The following RAB31 variants were observed in gnomAD, a reference collection of about 807,000 sequenced individuals.
The protein encoded by RAB31 is RAB31, member RAS oncogene family.
In RAB31, 21 loss-of-function variants were observed where a neutral mutation model predicts 25.6. The observed-to-expected ratio is 0.82, with a 90% CI of 0.58 to 1.18. The LOEUF is 1.18. RAB31 is among the 50% of genes most tolerant of loss of function. The pLI, the probability that RAB31 is intolerant of heterozygous loss-of-function variation, is 0.00. For missense variants in RAB31, 196 were observed against 250.1 expected, an observed-to-expected ratio of 0.78 and a Z score of 1.46; for synonymous variants, 87 against 84.0, an observed-to-expected ratio of 1.04 and a Z score of -0.20.
intron 5 of RAB31, among the ~76,000 whole-genome samples, chr18:9,840,977 G>C (rs2068730545): frequency 6.6e-6 from 1 of 152,098 alleles, no homozygotes; most frequent in Non-Finnish European, 1.5e-5. Flanking sequence ...ACCCAAGCGA[G>C]AGTGCAGTGG....
chr18:9,832,359 A>G (rs2068682954), intron 5 of RAB31, among the ~76,000 whole-genome samples: 1 of 152,186 alleles, frequency 6.6e-6, no homozygotes, highest in South Asian at 2.1e-4. Flanking sequence ...GTGTGACAAA[A>G]CAACCTCCTG....
chr18:9,822,670 G>C (rs1202373022), intron 5 of RAB31, among the ~76,000 whole-genome samples: 1 of 152,124 alleles, frequency 6.6e-6, no homozygotes, highest in African/African-American at 2.4e-5. Flanking sequence ...TCACCTGAGA[G>C]AATAGGAAGA....
At position 9,801,284 on chromosome 18, in the gene RAB31, AT is replaced by A. The variant is rs3039670; in HGVS notation, c.201+9065del. ...CATTCATGTACAATTCTTTGTGTAG[AT>A]TTTTTTTTTTTTTTTGAGATGGAGT... is the stretch of plus-strand genomic sequence containing the variant. On this transcript the variant is annotated intron_variant, in intron 3 of 6. Coordinates refer to ENST00000578921, the MANE Select transcript of RAB31 (RefSeq NM_006868.4). 1.0e-2 allele frequency among the ~76,000 whole-genome samples: 1,406 copies of A among 140,988 alleles called. 10 individuals are homozygous for A. Among genetic ancestry groups the A allele is most frequent in the African/African-American group, 0.022 (851 of 38,292 alleles). The allele number at this position is 140,988 out of a possible 152,430, so 92.5% of individuals were successfully genotyped here.
intron 4 of RAB31, 82 bp downstream of exon 4, chr18:9,814,173 TTGCATCTTG>T: frequency 8.6e-6 from 9 of 1,041,330 alleles, no homozygotes; most frequent in Non-Finnish European, 1.3e-5. Flanking sequence ...ACGTCACTGC[TTGCATCTTG>T]CCAGTAGCGT....
At chr18:9,715,512 T>TTG (rs796807284) in intron 1 of RAB31, among the ~76,000 whole-genome samples, 4 of 150,546 alleles carry the variant, frequency 2.7e-5, no homozygotes, top group African/African-American at 9.7e-5. Flanking sequence ...CACTTGTCCT[T>TTG]TGTCTCTCTC....
At chr18:9,740,116 G>A (rs541100007) in intron 1 of RAB31, among the ~76,000 whole-genome samples, 11 of 152,322 alleles carry the variant, frequency 7.2e-5, no homozygotes, top group South Asian at 2.1e-4. Context: ...TGCTGTTTGT[G>A]TGGCCTTCAG....
chr18:9,792,179 C>T lies in RAB31; in HGVS notation c.145C>T (p.Pro49Ser), dbSNP rs1318806215. The T allele has an allele frequency of 6.2e-7, 1 of 1,611,864 alleles. No individual in the cohort carries two copies. The highest frequency in any genetic ancestry group is 8.5e-7 in the Non-Finnish European group (1 of 1,178,998). The change falls in exon 3 of 7, where the codon CCT (proline) becomes TCT (serine). Residue 49 changes from proline to serine, a missense_variant. Pro to Ser is a moderately conservative substitution (Grantham distance 74, BLOSUM62 -1). Coordinates refer to ENST00000578921, the MANE Select transcript of RAB31 (RefSeq NM_006868.4). Reference sequence around the variant, plus strand: ...GGCATCTTTTATGACCAAAACTGTGCCTTGTGGAAATGAACTTCACAAGTT... The same window carrying T: ...GGCATCTTTTATGACCAAAACTGTGTCTTGTGGAAATGAACTTCACAAGTT... ...IGASFMTKTV[P>S]CGNELHKFLI...
At chr18:9,726,199 T>G (rs1323256640) in intron 1 of RAB31, 1 of 152,252 alleles carries the variant, frequency 6.6e-6, no homozygotes, top group African/African-American at 2.4e-5. Flanking sequence ...ATAGGATACT[T>G]TTTAAGCACT....
intron 5 of RAB31, among the ~76,000 whole-genome samples, chr18:9,842,092 G>A (rs988891041): frequency 2.0e-5 from 3 of 152,136 alleles, no homozygotes; most frequent in Admixed American, 6.5e-5. Context: ...AGATAGTGAG[G>A]GCGAGGGGTG....
intron 3 of RAB31, among the ~76,000 whole-genome samples, chr18:9,799,529 C>T (rs2068503428): frequency 6.6e-6 from 1 of 152,160 alleles, no homozygotes; most frequent in Non-Finnish European, 1.5e-5. Flanking sequence ...CAGGGTCTCA[C>T]TCTGTCACCC....
chr18:9,852,556 T>C (rs1200818594), intron 6 of RAB31, among the ~76,000 whole-genome samples: 1 of 152,082 alleles, frequency 6.6e-6, no homozygotes, highest in Admixed American at 6.6e-5. Context: ...TCAGTTTTCC[T>C]GCAGAGTTTA....
At chr18:9,857,212 T>A (rs2068820485) in intron 6 of RAB31, among the ~76,000 whole-genome samples, 1 of 152,170 alleles carries the variant, frequency 6.6e-6, no homozygotes, top group African/African-American at 2.4e-5. Context: ...AGTTTGGAGT[T>A]AAATGCTGGT....
intron 1 of RAB31, among the ~76,000 whole-genome samples, chr18:9,770,962 C>T (rs1477436767): frequency 1.3e-5 from 2 of 149,600 alleles, no homozygotes; most frequent in African/African-American, 5.0e-5. Context: ...TGGGAGTTTG[C>T]GTTAGCCTGC....
chr18:9,718,439 A>G (rs2068055136), intron 1 of RAB31, among the ~76,000 whole-genome samples: 1 of 150,504 alleles, frequency 6.6e-6, no homozygotes, highest in Admixed American at 6.6e-5. Context: ...TTGTATTTTT[A>G]GTAGAGATGG....
In RAB31 at chr18:9,727,471, C is replaced by T. The variant is rs116705879; in HGVS notation, c.39+19027C>T. ...AGCTGGGACCACAGGTCCTCCAGCA[C>T]ACTTGGCTAATTTTTAAATTTTTTG... On this transcript the variant is annotated intron_variant, in intron 1 of 6. Coordinates refer to ENST00000578921, the MANE Select transcript of RAB31 (RefSeq NM_006868.4). Among the ~76,000 whole-genome samples the T allele has an allele frequency of 5.3e-3, 810 of 152,248 alleles. 8 individuals carry two copies. The highest frequency in any genetic ancestry group is 0.018 in the African/African-American group (754 of 41,540).
At chr18:9,711,722 T>G (rs574527952) in intron 1 of RAB31, among the ~76,000 whole-genome samples, 1 of 152,210 alleles carries the variant, frequency 6.6e-6, no homozygotes, top group Non-Finnish European at 1.5e-5. Flanking sequence ...CTCCCTGAAG[T>G]CTTGCTATGA....
Position 9,809,032 on chromosome 18 carries a change from G to A in RAB31, c.202-4988G>A, listed in dbSNP as rs1368722353. Reference sequence around the variant, plus strand: ...CTGGAATAAGACTTTCCACTGTGCTGCTGAGGGGTGTGTGTGTGTGTGTGC... The same window carrying A: ...CTGGAATAAGACTTTCCACTGTGCTACTGAGGGGTGTGTGTGTGTGTGTGC... On this transcript the variant is annotated intron_variant, in intron 3 of 6. Transcript: ENST00000578921. 6.0e-5 allele frequency among the ~76,000 whole-genome samples: 7 copies of A among 116,982 alleles called. No homozygotes were observed. The Admixed American group carries it at 7.0e-4, about 12-fold the overall frequency. 76.7% of individuals were successfully genotyped at this position (116,982 alleles called of 152,430 possible).
chr18:9,781,838 A>G (rs1379340446), intron 2 of RAB31, among the ~76,000 whole-genome samples: 6 of 152,260 alleles, frequency 3.9e-5, no homozygotes, highest in Admixed American at 2.6e-4. Flanking sequence ...GGAAGGTGGC[A>G]TAAATGGAAC....
At chr18:9,723,740 C>A (rs947876186) in intron 1 of RAB31, 1 of 152,118 alleles carries the variant, frequency 6.6e-6, no homozygotes, top group African/African-American at 2.4e-5. Flanking sequence ...GAGAGCAAAA[C>A]CAAATAAGCC....
Sources: gnomAD v4.1 joint callset for allele counts (sites outside exome capture counted in the v4.1 genomes callset) on GRCh38, gnomAD v4.1.1 for gene constraint, MANE v1.5 for transcripts, NCBI Gene and HGNC (gene_info 2026-07-23, HGNC 2026-07-21) for gene names.